The following FILIP1L variants were observed in gnomAD, a reference collection of about 807,000 sequenced individuals.
FILIP1L encodes the protein filamin A-interacting protein 1-like.
Under a neutral mutation model 96.6 loss-of-function variants are expected in FILIP1L, and 55 were observed. The ratio of observed to expected loss-of-function variants is 0.57; its 90% CI spans 0.46 to 0.71. The LOEUF is 0.71. Among genes scored for constraint, FILIP1L ranks in the 30% least tolerant of loss-of-function variants. The pLI is 0.00. For missense variants in FILIP1L, 1,304 were observed against 1,321.2 expected (o/e 0.99, Z 0.20); for synonymous variants, 467 against 473.9 (o/e 0.99, Z 0.19).
intron 1 of FILIP1L, among the ~76,000 whole-genome samples, chr3:99,966,969 G>T (rs1265909583): frequency 6.6e-6 from 1 of 152,158 alleles, no homozygotes; most frequent in African/African-American, 2.4e-5. Context: ...ATGCTATACA[G>T]GTGGGGGATT....
At chr3:99,891,605 C>G (rs1376247303) in intron 4 of FILIP1L, among the ~76,000 whole-genome samples, 1 of 151,934 alleles carries the variant, frequency 6.6e-6, no homozygotes, top group African/African-American at 2.4e-5. Flanking sequence ...TGGTGAGACA[C>G]TAGGTTAGGG....
chr3:100,055,847 A>G (rs1031539692), intron 1 of FILIP1L, among the ~76,000 whole-genome samples: 1 of 152,254 alleles, frequency 6.6e-6, no homozygotes, highest in African/African-American at 2.4e-5. Flanking sequence ...ACTCTTCCAC[A>G]ATATGAAGGG....
At chr3:99,993,516 G>C (rs1344965469) in intron 1 of FILIP1L, among the ~76,000 whole-genome samples, 1 of 152,066 alleles carries the variant, frequency 6.6e-6, no homozygotes, top group African/African-American at 2.4e-5. Flanking sequence ...ATACTGTGTT[G>C]AATAGGGGTG....
chr3:99,850,926 C>A lies in FILIP1L; in HGVS notation c.750G>T (p.Thr250=). The A allele has an allele frequency of 6.2e-7, 1 of 1,614,136 alleles. No individual in the cohort carries two copies. Among genetic ancestry groups the A allele is most frequent in the East Asian group, 2.2e-5 (1 of 44,876 alleles). ...TCTGTCTTTGAAGGGTGAGCTGTGCCGTCAGCCTTTGCTGTTCATCCACCA... is the reference window on the plus strand; with the variant it reads ...TCTGTCTTTGAAGGGTGAGCTGTGCAGTCAGCCTTTGCTGTTCATCCACCA... ...LMVVDEQQRL[T]AQLTLQRQKI... Residue 250 remains threonine, a synonymous_variant, in exon 5 of 6, where the codon ACG becomes ACT. Transcript: ENST00000477258.
chr3:100,052,231 T>C (rs916941373), intron 1 of FILIP1L, among the ~76,000 whole-genome samples: 1 of 152,256 alleles, frequency 6.6e-6, no homozygotes, highest in Admixed American at 6.5e-5. Flanking sequence ...ATGTGGGCTA[T>C]ACTAATACAC....
At chr3:100,029,501 A>T (rs2064986626) in intron 1 of FILIP1L, among the ~76,000 whole-genome samples, 1 of 152,174 alleles carries the variant, frequency 6.6e-6, no homozygotes, top group African/African-American at 2.4e-5. Context: ...TTTTGTTTCT[A>T]AAAATATAGC....
intron 1 of FILIP1L, among the ~76,000 whole-genome samples, chr3:100,002,124 G>C (rs954480569): frequency 5.3e-5 from 8 of 152,196 alleles, no homozygotes; most frequent in Admixed American, 2.0e-4. Flanking sequence ...CACTGGGACT[G>C]ACCACCTCCT....
chr3:99,883,976 G>A (rs957066051), intron 4 of FILIP1L, among the ~76,000 whole-genome samples: 10 of 152,110 alleles, frequency 6.6e-5, no homozygotes, highest in Non-Finnish European at 1.5e-5. Context: ...TGGATTTAGG[G>A]GGTAAACAGT....
chr3:99,961,759 A>G (rs978916874), intron 1 of FILIP1L, among the ~76,000 whole-genome samples: 1 of 152,202 alleles, frequency 6.6e-6, no homozygotes, highest in African/African-American at 2.4e-5. Context: ...ATATTTAAAG[A>G]TAATGACACC....
At chr3:100,091,284 CAAAAAA>C (rs570908389) in intron 1 of FILIP1L, among the ~76,000 whole-genome samples, 1 of 59,108 alleles carries the variant, frequency 1.7e-5, no homozygotes, top group Non-Finnish European at 3.6e-5. Context: ...GACTCCGTCT[CAAAAAA>C]AAAAAAAAAA....
chr3:100,011,051 A>C (rs1249609311), intron 1 of FILIP1L, among the ~76,000 whole-genome samples: 1 of 152,144 alleles, frequency 6.6e-6, no homozygotes, highest in Non-Finnish European at 1.5e-5. Flanking sequence ...TCTGTGGTGC[A>C]AGGATGGTAC....
At chr3:100,077,720 G>C (rs774394573) in intron 1 of FILIP1L, among the ~76,000 whole-genome samples, 1 of 152,088 alleles carries the variant, frequency 6.6e-6, no homozygotes, top group African/African-American at 2.4e-5. Flanking sequence ...GACCAGCCTG[G>C]GCAACATGGC....
At chr3:99,895,203 T>C (rs1055005446) in intron 4 of FILIP1L, among the ~76,000 whole-genome samples, 2 of 152,250 alleles carry the variant, frequency 1.3e-5, no homozygotes, top group Admixed American at 1.3e-4. Context: ...CTTAACTATA[T>C]TTTATTCTTA....
At chr3:99,957,693 C>CTTTCTTTTTTTTTTTTT (rs1708364770) in intron 1 of FILIP1L, among the ~76,000 whole-genome samples, 1 of 19,904 alleles carries the variant, frequency 5.0e-5, no homozygotes, top group African/African-American at 1.7e-4. Flanking sequence ...TTCTTTCTTT[C>CTTTCTTTTTTTTTTTTT]TTTTTTTTTT....
chr3:100,086,130 G>A (rs555458861), intron 1 of FILIP1L, among the ~76,000 whole-genome samples: 16 of 152,274 alleles, frequency 1.1e-4, no homozygotes, highest in Middle Eastern at 3.4e-3. Context: ...TTTCTGCAGC[G>A]AACCTGCATA....
intron 3 of FILIP1L, among the ~76,000 whole-genome samples, chr3:99,928,425 G>A (rs1707365294): frequency 6.6e-6 from 1 of 152,150 alleles, no homozygotes; most frequent in African/African-American, 2.4e-5. Context: ...GAATGTGAGA[G>A]GTGTATGTAT....
intron 1 of FILIP1L, among the ~76,000 whole-genome samples, chr3:99,999,226 G>C (rs563791036): frequency 6.6e-6 from 1 of 152,240 alleles, no homozygotes; most frequent in African/African-American, 2.4e-5. Flanking sequence ...GCAAATTTTA[G>C]AAAGTGTGAT....
chr3:99,992,675 C>T (rs1005334392), intron 1 of FILIP1L, among the ~76,000 whole-genome samples: 1 of 151,898 alleles, frequency 6.6e-6, no homozygotes. Context: ...TTAATTAAGT[C>T]CAATTTGTCT....
intron 1 of FILIP1L, among the ~76,000 whole-genome samples, chr3:100,094,940 G>T (rs1010875645): frequency 6.6e-6 from 1 of 151,786 alleles, no homozygotes; most frequent in South Asian, 2.1e-4. Context: ...CACCCGCCTC[G>T]GCCTCCCAAA....
Sources: gnomAD v4.1 joint callset for allele counts (sites outside exome capture counted in the v4.1 genomes callset) on GRCh38, gnomAD v4.1.1 for gene constraint, MANE v1.5 for transcripts, NCBI Gene and HGNC (gene_info 2026-07-23, HGNC 2026-07-21) for gene names.